The following ACOXL variants were observed in gnomAD, a reference collection of about 807,000 sequenced individuals.
ACOXL encodes acyl-coenzyme A oxidase-like protein.
Under a neutral mutation model 71.9 loss-of-function variants are expected in ACOXL, and 70 were observed. The ratio of observed to expected loss-of-function variants is 0.97; its 90% CI spans 0.80 to 1.19. The LOEUF is 1.19. Among genes scored for constraint, ACOXL ranks in the 50% most tolerant of loss-of-function variants. The pLI, the probability that ACOXL is intolerant of heterozygous loss-of-function variation, is 0.00. For synonymous variants in ACOXL, 253 were observed against 281.6 expected (o/e 0.90, Z 1.02); for missense variants, 703 against 736.3 (o/e 0.95, Z 0.52).
intron 9 of ACOXL, among the ~76,000 whole-genome samples, chr2:110,817,806 A>C (rs1341677508): frequency 1.3e-5 from 2 of 152,070 alleles, no homozygotes; most frequent in East Asian, 3.9e-4. Flanking sequence ...TTCTTTGTCT[A>C]ATTAGTGTTG....
intron 14 of ACOXL, among the ~76,000 whole-genome samples, chr2:111,018,642 G>A (rs2064582187): frequency 6.6e-6 from 1 of 152,210 alleles, no homozygotes; most frequent in South Asian, 2.1e-4. Flanking sequence ...ACCATTCAAA[G>A]GCCGTAGTAA....
chr2:110,901,740 A>G lies in ACOXL; in HGVS notation c.789-7049A>G, dbSNP rs553603319. Among the ~76,000 whole-genome samples, 6 of 152,050 alleles carry G rather than the reference A, an allele frequency of 3.9e-5. No homozygotes were observed. In the South Asian group the frequency reaches 1.0e-3, roughly 26 times the overall value. Reference sequence around the variant, plus strand: ...TCTACAGATGGATTGAAAGTTGCCCATTGGGTGGTGTGTGGTGGCTCACAC... The same window carrying G: ...TCTACAGATGGATTGAAAGTTGCCCGTTGGGTGGTGTGTGGTGGCTCACAC... On this transcript the variant is annotated intron_variant, in intron 10 of 17. Transcript: ENST00000439055.
At chr2:110,841,584 C>T (rs542837906) in intron 10 of ACOXL, among the ~76,000 whole-genome samples, 179 bp downstream of exon 10, 5 of 152,150 alleles carry the variant, frequency 3.3e-5, no homozygotes, top group African/African-American at 9.6e-5. Context: ...TTTAGAGGAA[C>T]GAGGTCTTTG....
chr2:110,828,856 G>A (rs2105603917), intron 9 of ACOXL, among the ~76,000 whole-genome samples: 1 of 152,082 alleles, frequency 6.6e-6, no homozygotes, highest in Admixed American at 6.5e-5. Flanking sequence ...TTGTTGCCCA[G>A]GCTAGAGTGC....
At chr2:110,996,039 C>A in intron 14 of ACOXL, 35 bp downstream of exon 14, 1 of 1,541,554 alleles carries the variant, frequency 6.5e-7, no homozygotes, top group African/African-American at 1.4e-5. Flanking sequence ...TTCCTTTTGA[C>A]ATGTGTTTAA....
chr2:111,029,558 C>A (rs566916446), intron 14 of ACOXL, among the ~76,000 whole-genome samples: 2 of 152,356 alleles, frequency 1.3e-5, no homozygotes, highest in East Asian at 3.9e-4. Flanking sequence ...TGGCTTCAGC[C>A]TCTTATTTCC....
At chr2:111,049,366 A>C in intron 16 of ACOXL, 78 bp downstream of exon 16, 2 of 1,124,494 alleles carry the variant, frequency 1.8e-6, no homozygotes, top group Non-Finnish European at 2.6e-6. Flanking sequence ...TCATTTTTAC[A>C]AGCGGGAGTA....
At chr2:111,031,800 A>T in intron 15 of ACOXL, 86 bp downstream of exon 15, 1 of 1,342,520 alleles carries the variant, frequency 7.4e-7, no homozygotes, top group Non-Finnish European at 1.1e-6. Flanking sequence ...GGGAAAGGAC[A>T]GTCCCAACAC....
At chr2:110,927,154 C>T (rs1366499544) in intron 11 of ACOXL, among the ~76,000 whole-genome samples, 4 of 152,090 alleles carry the variant, frequency 2.6e-5, no homozygotes, top group Non-Finnish European at 1.5e-5. Flanking sequence ...AGGAGCAAAG[C>T]GGGAAGTGCC....
intron 12 of ACOXL, among the ~76,000 whole-genome samples, chr2:110,944,055 T>A (rs1039614448): frequency 6.6e-6 from 1 of 152,140 alleles, no homozygotes; most frequent in Non-Finnish European, 1.5e-5. Context: ...ACTTTTATTT[T>A]TTTATTTTTA....
At chr2:110,886,210 T>A (rs1451755434) in intron 10 of ACOXL, among the ~76,000 whole-genome samples, 1 of 152,162 alleles carries the variant, frequency 6.6e-6, no homozygotes, top group Admixed American at 6.5e-5. Context: ...GTAGGGTGTC[T>A]CTTCTTTTCA....
At chr2:111,002,350 CTG>C (rs1229682899) in intron 14 of ACOXL, among the ~76,000 whole-genome samples, 1 of 152,100 alleles carries the variant, frequency 6.6e-6, no homozygotes, top group Non-Finnish European at 1.5e-5. Flanking sequence ...AAACAAAAAA[CTG>C]TTCAAAAGTT....
At chr2:110,939,898 C>T (rs772083361) in intron 12 of ACOXL, among the ~76,000 whole-genome samples, 13 of 152,156 alleles carry the variant, frequency 8.5e-5, no homozygotes, top group African/African-American at 1.9e-4. Flanking sequence ...ATTGGACACC[C>T]CTAATGTAAA....
intron 2 of ACOXL, 69 bp downstream of exon 2, chr2:110,768,533 A>AGG: frequency 2.1e-6 from 3 of 1,447,892 alleles, no homozygotes; most frequent in Non-Finnish European, 2.9e-6. Flanking sequence ...AGAGAGAGAG[A>AGG]GAGAGTTTTT....
intron 10 of ACOXL, among the ~76,000 whole-genome samples, chr2:110,899,768 C>T (rs538545781): frequency 1.9e-4 from 29 of 152,250 alleles, no homozygotes; most frequent in African/African-American, 3.6e-4. Context: ...ACAGTTCTGA[C>T]GACTAACATT....
intron 16 of ACOXL, among the ~76,000 whole-genome samples, chr2:111,061,477 A>G (rs1206031553): frequency 6.6e-6 from 1 of 152,194 alleles, no homozygotes; most frequent in African/African-American, 2.4e-5. Flanking sequence ...GATTACCCAA[A>G]TAAGTACACT....
At chr2:111,041,714 G>A (rs1233779723) in intron 15 of ACOXL, among the ~76,000 whole-genome samples, 1 of 152,208 alleles carries the variant, frequency 6.6e-6, no homozygotes, top group Non-Finnish European at 1.5e-5. Flanking sequence ...CTGTCCACCT[G>A]GGGGAGGGCA....
intron 12 of ACOXL, among the ~76,000 whole-genome samples, chr2:110,958,599 A>C (rs1225491216): frequency 6.6e-6 from 1 of 152,216 alleles, no homozygotes; most frequent in Admixed American, 6.5e-5. Flanking sequence ...CCCTGGTTAA[A>C]GCCAAGACAA....
intron 16 of ACOXL, among the ~76,000 whole-genome samples, chr2:111,057,491 A>C (rs79037678): frequency 0.017 from 2,631 of 152,296 alleles, 58 homozygotes; most frequent in Non-Finnish European, 0.027. Flanking sequence ...GAGGGAATGC[A>C]GCAGAAGCCA....
Sources: allele counts gnomAD v4.1 joint callset (sites outside exome capture counted in the v4.1 genomes callset), GRCh38; gene constraint gnomAD v4.1.1; transcripts MANE v1.5; gene names NCBI Gene and HGNC (gene_info 2026-07-23, HGNC 2026-07-21).